Variants in ARFGEF1 observed in about 807,000 individuals in gnomAD.
The protein encoded by ARFGEF1 is brefeldin A-inhibited guanine nucleotide-exchange protein 1.
ARFGEF1 carries 42 observed loss-of-function variants against 231.0 expected under a neutral mutation model. That is an observed-to-expected ratio of 0.18 (90% CI 0.14 to 0.24). The LOEUF (loss-of-function observed/expected upper bound fraction) is 0.24, where lower values mean the gene tolerates loss of function less well. Ranked by LOEUF, ARFGEF1 falls within the 10% of genes least tolerant of loss-of-function variation. The pLI is 1.00. For synonymous variants in ARFGEF1, 710 were observed against 732.3 expected (o/e 0.97, Z 0.49); for missense variants, 1,345 against 2,192.0 (o/e 0.61, Z 7.72).
intron 37 of ARFGEF1, among the ~76,000 whole-genome samples, chr8:67,200,731 A>T (rs1838296743): frequency 6.6e-6 from 1 of 152,144 alleles, no homozygotes; most frequent in Admixed American, 6.5e-5. Context: ...CTTACCAGGA[A>T]ACCCACATTT....
chr8:67,259,493 G>A (rs746762555), intron 15 of ARFGEF1, among the ~76,000 whole-genome samples: 33 of 152,130 alleles, frequency 2.2e-4, no homozygotes, highest in Admixed American at 5.9e-4. Context: ...CTCCCAAAGC[G>A]CTGGAATTAC....
intron 29 of ARFGEF1, among the ~76,000 whole-genome samples, chr8:67,222,216 T>TATATATATATACACACAC (rs1839208543): frequency 2.4e-5 from 3 of 125,164 alleles, no homozygotes; most frequent in South Asian, 2.8e-4. Context: ...CACACACATA[T>TATATATATATACACACAC]ATATATATGT....
chr8:67,210,164 A>G, intron 34 of ARFGEF1, among the ~76,000 whole-genome samples: 1 of 149,000 alleles, frequency 6.7e-6, no homozygotes. Context: ...CAAAAAAAAA[A>G]AAAAAAAAAA....
rs1164463476 is a variant in ARFGEF1 at position 67,211,549 on chromosome 8, G to T, written c.4753C>A (p.Pro1585Thr). 1.3e-6 allele frequency: 2 copies of T among 1,592,022 alleles called. No homozygotes were observed. The highest frequency in any genetic ancestry group is 2.3e-5 in the South Asian group (2 of 86,414). Reference sequence around the variant, plus strand: ...GACGCAGAAACCAGTGGTGCTTGTGGTCTGTTATCCACAGACCTTGGTTGA... The same window carrying T: ...GACGCAGAAACCAGTGGTGCTTGTGTTCTGTTATCCACAGACCTTGGTTGA... ...SIQPRSVDNR[P>T]QAPLVSASAV... Residue 1585 changes from proline (P) to threonine (T), a missense_variant, in exon 34 of 39, where the codon CCA (proline) becomes ACA (threonine). Pro to Thr is a conservative substitution (Grantham distance 38). Around this residue, in one of 14 missense-constraint regions of ARFGEF1, gnomAD observed 89 missense variants for 74.8 expected, o/e 1.19. Coordinates refer to ENST00000262215, the MANE Select transcript of ARFGEF1 (RefSeq NM_006421.5).
chr8:67,203,775 TTTC>T (rs1563834087), intron 35 of ARFGEF1, among the ~76,000 whole-genome samples: 2 of 152,226 alleles, frequency 1.3e-5, no homozygotes, highest in African/African-American at 2.4e-5. Flanking sequence ...GTAGATGACT[TTTC>T]TTCCCATCTC....
At chr8:67,205,278 C>T (rs1838472384) in intron 34 of ARFGEF1, among the ~76,000 whole-genome samples, 1 of 152,190 alleles carries the variant, frequency 6.6e-6, no homozygotes, top group Admixed American at 6.5e-5. Flanking sequence ...TGGAAAGCTT[C>T]CTGCCAAAGC....
chr8:67,240,349 C>T, intron 19 of ARFGEF1, 59 bp from the exon 20 acceptor site: 1 of 1,443,196 alleles, frequency 6.9e-7, no homozygotes, highest in East Asian at 2.5e-5. Context: ...TAAAATTTCT[C>T]AAATCTTTTA....
chr8:67,261,919 A>G (rs1312042490), intron 14 of ARFGEF1, among the ~76,000 whole-genome samples: 1 of 148,788 alleles, frequency 6.7e-6, no homozygotes, highest in Non-Finnish European at 1.5e-5. Flanking sequence ...CCTCATGAGT[A>G]GCTGGGATTA....
chr8:67,310,123 TTCCCTCTCTTTCCACGGTC>T (rs919554400), intron 1 of ARFGEF1, among the ~76,000 whole-genome samples: 14 of 151,998 alleles, frequency 9.2e-5, no homozygotes, highest in Admixed American at 3.3e-4. Context: ...TCCCCACGGT[TTCCCTCTCTTTCCACGGTC>T]TCCCTCTCAT....
In ARFGEF1 at chr8:67,212,401, A is replaced by T. The variant is rs191260332; in HGVS notation, c.4687-786T>A. On this transcript the variant is annotated intron_variant, in intron 33 of 38. Coordinates refer to ENST00000262215, the MANE Select transcript of ARFGEF1 (RefSeq NM_006421.5). ...CCCAGCCACAGGTTCCAGTATTATT[A>T]AGAGTGTAACCTTGGAAAAATGATT... 4.2e-3 allele frequency among the ~76,000 whole-genome samples: 645 copies of T among 152,302 alleles called. 9 individuals are homozygous for T. The highest frequency in any genetic ancestry group is 0.015 in the African/African-American group (613 of 41,582).
chr8:67,191,005 A>G (rs879609130), intron 5 of ARFGEF1, among the ~76,000 whole-genome samples: 4 of 152,162 alleles, frequency 2.6e-5, no homozygotes, highest in African/African-American at 9.7e-5. Flanking sequence ...CCTCATCCCA[A>G]CCTTCCTTCT....
intron 29 of ARFGEF1, 130 bp from the exon 30 acceptor site, chr8:67,219,690 TG>T (rs1839080505): frequency 1.0e-6 from 1 of 958,398 alleles, no homozygotes; most frequent in Admixed American, 3.0e-5. Context: ...CACATGACAC[TG>T]GGTTTTAAAA....
intron 6 of ARFGEF1, among the ~76,000 whole-genome samples, chr8:67,288,870 C>CA (rs1399094334): frequency 6.6e-6 from 1 of 151,948 alleles, no homozygotes; most frequent in African/African-American, 2.4e-5. Flanking sequence ...TATTTTTTCA[C>CA]CAACATAATC....
chr8:67,266,177 C>T lies in ARFGEF1; in HGVS notation c.1952G>A (p.Ser651Asn). The T allele has an allele frequency of 6.2e-7, 1 of 1,613,430 alleles. No homozygotes were observed. The highest frequency in any genetic ancestry group is 8.5e-7 in the Non-Finnish European group (1 of 1,179,754). Residue 651 changes from serine (S) to asparagine (N), a missense_variant, in exon 14 of 39, where the codon AGT becomes AAT. Coordinates refer to ENST00000262215, the MANE Select transcript of ARFGEF1 (RefSeq NM_006421.5). Reference protein sequence around the residue: ...GQEKPSEQEMSEIKHPETINR... With the variant: ...GQEKPSEQEMNEIKHPETINR... ...TATTGTCTCAGGGTGTTTGATTTCACTCATCTCTTGCTCTGAGGGTTTTTC... is the reference window on the plus strand; with the variant it reads ...TATTGTCTCAGGGTGTTTGATTTCATTCATCTCTTGCTCTGAGGGTTTTTC...
chr8:67,301,353 T>C lies in ARFGEF1; in HGVS notation c.183A>G (p.Gly61=), dbSNP rs770380120. The C allele has an allele frequency of 8.1e-6, 13 of 1,613,598 alleles. No homozygotes were observed. Among genetic ancestry groups the C allele is most frequent in the Middle Eastern group, 3.3e-4 (2 of 6,076 alleles). ...ATTTCACTGGTGGAAGGGTGCTTGA[T>C]CCAGCTTTTGCTTCTCCATGAGGAG... The part of the protein sequence containing the change: ...QSPPHGEAKA[G]SSTLPPVKSK... Residue 61 remains glycine (G), a synonymous_variant, in exon 3 of 39, where the codon GGA becomes GGG. Coordinates refer to ENST00000262215, the MANE Select transcript of ARFGEF1 (RefSeq NM_006421.5).
At chr8:67,255,754 AG>A (rs1440736419) in intron 17 of ARFGEF1, among the ~76,000 whole-genome samples, 1 of 152,246 alleles carries the variant, frequency 6.6e-6, no homozygotes, top group Non-Finnish European at 1.5e-5. Flanking sequence ...CAAGCTGATA[AG>A]GAACAGTTGG....
At position 67,331,131 on chromosome 8, in the gene ARFGEF1, A is replaced by G. The variant is rs542986580; in HGVS notation, c.124+12033T>C. On this transcript the variant is annotated intron_variant, in intron 1 of 38. Transcript: ENST00000262215. Reference sequence around the variant, plus strand: ...AGATACCACATTAAGTACTATACTAATACAAATTGAAAATGACTGATGGAA... The same window carrying G: ...AGATACCACATTAAGTACTATACTAGTACAAATTGAAAATGACTGATGGAA... Among the ~76,000 whole-genome samples the G allele has an allele frequency of 1.8e-3, 275 of 152,324 alleles. 2 individuals carry two copies. Among genetic ancestry groups the G allele is most frequent in the Non-Finnish European group, 3.3e-3 (222 of 68,022 alleles).
At chr8:67,244,242 CAAAAAAAAAAAA>C (rs34333039) in intron 19 of ARFGEF1, among the ~76,000 whole-genome samples, 4 of 20,096 alleles carry the variant, frequency 2.0e-4, no homozygotes, top group East Asian at 2.3e-3. Flanking sequence ...GACTCCACCT[CAAAAAAAAAAAA>C]AAAAAAAAAA....
intron 33 of ARFGEF1, 70 bp from the exon 34 acceptor site, chr8:67,211,685 C>A (rs1040990410): frequency 1.0e-6 from 1 of 978,116 alleles, no homozygotes; most frequent in Non-Finnish European, 1.4e-6. Context: ...TTTTCTAAAA[C>A]GCTATTTTAA....
Sources: allele counts gnomAD v4.1 joint callset (sites outside exome capture counted in the v4.1 genomes callset), GRCh38; gene constraint gnomAD v4.1.1; regional missense constraint gnomAD v4.1.1; transcripts MANE v1.5; gene names NCBI Gene and HGNC (gene_info 2026-07-23, HGNC 2026-07-21).